PUS10: variants seen among roughly 807,000 people sequenced by gnomAD.
PUS10 encodes pseudouridine synthase 10.
A neutral mutation model predicts 75.0 loss-of-function variants in PUS10; 59 were observed. That is an observed-to-expected ratio of 0.79 (90% CI 0.64 to 0.98). PUS10 has a LOEUF of 0.98. PUS10 is among the 50% of genes least tolerant of loss of function. PUS10 has a pLI of 0.00. For synonymous variants in PUS10, 219 were observed against 211.6 expected (o/e 1.03, Z -0.30); for missense variants, 650 against 614.4 (o/e 1.06, Z -0.61).
intron 4 of PUS10, among the ~76,000 whole-genome samples, chr2:60,994,045 T>A (rs892748571): frequency 6.6e-6 from 1 of 152,026 alleles, no homozygotes; most frequent in African/African-American, 2.4e-5. Flanking sequence ...TGCCTCGGCC[T>A]CCCACAGTGC....
At chr2:60,956,797 A>T (rs565555133) in intron 11 of PUS10, among the ~76,000 whole-genome samples, 1 of 151,972 alleles carries the variant, frequency 6.6e-6, no homozygotes, top group South Asian at 2.1e-4. Flanking sequence ...AACTTGGTGA[A>T]ACCTGTCTCT....
In PUS10 at chr2:60,941,694, T is replaced by C. The variant is rs1180706577; in HGVS notation, c.*701A>G. The C allele has an allele frequency of 6.6e-6, 1 of 152,342 alleles. No homozygotes were observed. The highest frequency in any genetic ancestry group is 1.5e-5 in the Non-Finnish European group (1 of 68,010). 9.4% of individuals were successfully genotyped at this position (152,342 alleles called of 1,614,324 possible). A position where few individuals can be genotyped will look rare whatever the true frequency, so the allele number is the denominator to read the frequency against. ...TGTTTCTCCTTATTTAAAAGATTTA[T>C]GAAAGGCTCCTACCATGGCATGCCT... On this transcript the variant is annotated 3_prime_UTR_variant, in exon 18 of 18. Coordinates refer to ENST00000316752, the MANE Select transcript of PUS10 (RefSeq NM_144709.4).
At chr2:60,987,581 A>G (rs1209107695) in intron 4 of PUS10, among the ~76,000 whole-genome samples, 1 of 152,218 alleles carries the variant, frequency 6.6e-6, no homozygotes, top group African/African-American at 2.4e-5. Flanking sequence ...TGGCAATGTG[A>G]TGAGCTATTC....
At position 61,018,064 on chromosome 2, in the gene PUS10, C is replaced by G. The variant is rs1020818728; in HGVS notation, c.-72G>C. ...CTGACCCGGCAGCTCTAATCAGCAACGTTTTTTTCGGGAGCTCCTGGGCGT... is the reference window on the plus strand; with the variant it reads ...CTGACCCGGCAGCTCTAATCAGCAAGGTTTTTTTCGGGAGCTCCTGGGCGT... On this transcript the variant is annotated 5_prime_UTR_variant, in exon 1 of 18. Transcript: ENST00000316752. 1 of 1,497,388 alleles carries G rather than the reference C, an allele frequency of 6.7e-7. No individual in the cohort carries two copies. Among genetic ancestry groups the G allele is most frequent in the South Asian group, 1.3e-5 (1 of 77,132 alleles). The allele number at this position is 1,497,388 out of a possible 1,614,324, so 92.8% of individuals were successfully genotyped here.
rs1384719514 is a variant in PUS10, at chr2:61,018,059, A to T, written c.-67T>A. The T allele has an allele frequency of 6.7e-7, 1 of 1,493,056 alleles. No homozygotes were observed. The highest frequency in any genetic ancestry group is 8.9e-7 in the Non-Finnish European group (1 of 1,119,254). The allele number at this position is 1,493,056 out of a possible 1,614,324, so 92.5% of individuals were successfully genotyped here. A position where few individuals can be genotyped will look rare whatever the true frequency, so the allele number is the denominator to read the frequency against. ...TGTTTCTGACCCGGCAGCTCTAATC[A>T]GCAACGTTTTTTTCGGGAGCTCCTG... On this transcript the variant is annotated 5_prime_UTR_variant, in exon 1 of 18. Coordinates refer to ENST00000316752, the MANE Select transcript of PUS10 (RefSeq NM_144709.4).
intron 1 of PUS10, among the ~76,000 whole-genome samples, chr2:61,012,287 C>G (rs1679653986): frequency 6.6e-6 from 1 of 152,038 alleles, no homozygotes; most frequent in Non-Finnish European, 1.5e-5. Flanking sequence ...AAAGTTAATT[C>G]ATTAAACTTT....
intron 4 of PUS10, among the ~76,000 whole-genome samples, chr2:60,978,421 TAAAAAAAAAAAAA>T (rs71398605): frequency 2.0e-5 from 2 of 99,406 alleles, no homozygotes; most frequent in Admixed American, 1.1e-4. Flanking sequence ...GACTCCATCT[TAAAAAAAAAAAAA>T]AAAAAAAAAG....
Position 60,965,042 on chromosome 2 carries a change from G to T in PUS10, c.723+16C>A. The T allele has an allele frequency of 1.9e-6, 3 of 1,612,012 alleles. No individual in the cohort carries two copies. In the South Asian group the frequency reaches 3.3e-5, roughly 18 times the overall value. ...CAAAACTCACTCAAGACTAAGAAGC[G>T]GGAACCTTTCCTTACCTGTTTGTTT... On this transcript the variant is annotated intron_variant, in intron 8 of 17. Transcript: ENST00000316752.
At chr2:60,953,395 C>G (rs1230166784) in intron 14 of PUS10, among the ~76,000 whole-genome samples, 4 of 152,176 alleles carry the variant, frequency 2.6e-5, no homozygotes, top group Admixed American at 6.5e-5. Flanking sequence ...CTTTGTATCT[C>G]TATAGATTTA....
At chr2:60,995,318 T>G (rs1412834927) in intron 4 of PUS10, among the ~76,000 whole-genome samples, 1 of 152,216 alleles carries the variant, frequency 6.6e-6, no homozygotes, top group Non-Finnish European at 1.5e-5. Context: ...GAAAGGGGTT[T>G]TATCTTGCTC....
intron 16 of PUS10, among the ~76,000 whole-genome samples, chr2:60,947,680 T>G (rs993333700): frequency 7.3e-5 from 11 of 151,082 alleles, no homozygotes; most frequent in African/African-American, 2.4e-4. Context: ...ATACAAAAAA[T>G]TAGTCAGGCG....
At chr2:60,965,233 T>A in intron 7 of PUS10, 130 bp from the exon 8 acceptor site, 2 of 1,021,162 alleles carry the variant, frequency 2.0e-6, no homozygotes, top group Non-Finnish European at 1.5e-6. Flanking sequence ...AGTCCCTGTA[T>A]GAGCTATATC....
At chr2:61,001,050 C>T (rs1678818931) in intron 4 of PUS10, among the ~76,000 whole-genome samples, 1 of 152,180 alleles carries the variant, frequency 6.6e-6, no homozygotes, top group Non-Finnish European at 1.5e-5. Flanking sequence ...GATCATTTTC[C>T]TCGACATAAA....
In PUS10 at chr2:60,971,114, AG is replaced by A. The variant is rs1463528843; in HGVS notation, c.503+408del. On this transcript the variant is annotated intron_variant, in intron 5 of 17. Coordinates refer to ENST00000316752, the MANE Select transcript of PUS10 (RefSeq NM_144709.4). ...AGAATCGCTTGAACCAGCGAGGTGG[AG>A]GTTGCAGTGAGCTGAGATCACACCA... Among the ~76,000 whole-genome samples, 3 of 151,844 alleles carry A rather than the reference AG, an allele frequency of 2.0e-5. No individual in the cohort carries two copies. In the East Asian group the frequency reaches 5.8e-4, roughly 29 times the overall value.
At position 60,955,019 on chromosome 2, in the gene PUS10, A is replaced by G. The variant is rs1196422930; in HGVS notation, c.1056T>C (p.Asn352=). ...CAGGTGATGCTGTTGCAGTCTTACC[A>G]TTTCCTAATGTTCTCACATCTACAT... ...REDVDVRTLG[N]GRPFAIELVN... is the part of the protein sequence containing the mutation. The change falls in exon 12 of 18, where the codon AAT becomes AAC. Residue 352 remains asparagine, a splice_region_variant and synonymous_variant. Coordinates refer to ENST00000316752, the MANE Select transcript of PUS10 (RefSeq NM_144709.4). 1 of 1,575,804 alleles carries G rather than the reference A, an allele frequency of 6.3e-7. No homozygotes were observed. Among genetic ancestry groups the G allele is most frequent in the Admixed American group, 1.8e-5 (1 of 56,734 alleles).
chr2:60,989,015 T>A (rs1677901822), intron 4 of PUS10, among the ~76,000 whole-genome samples: 2 of 152,064 alleles, frequency 1.3e-5, no homozygotes. Flanking sequence ...TCCACTAGGA[T>A]GGGGACAGTA....
At chr2:60,946,379 T>C (rs749991251) in intron 16 of PUS10, among the ~76,000 whole-genome samples, 2 of 152,226 alleles carry the variant, frequency 1.3e-5, no homozygotes, top group East Asian at 3.8e-4. Flanking sequence ...CTTTAACACA[T>C]AGTCTTTCTT....
chr2:60,986,838 C>T (rs1573468107), intron 4 of PUS10, among the ~76,000 whole-genome samples: 1 of 152,158 alleles, frequency 6.6e-6, no homozygotes, highest in Non-Finnish European at 1.5e-5. Context: ...AGCTCTCTCT[C>T]CTACTTAGCC....
At chr2:60,971,399 T>C (rs2104414698) in intron 5 of PUS10, 124 bp downstream of exon 5, 1 of 854,868 alleles carries the variant, frequency 1.2e-6, no homozygotes, top group African/African-American at 1.7e-5. Flanking sequence ...TGGTTCTTTG[T>C]GCTAATTTCT....
Sources: allele counts gnomAD v4.1 joint callset (sites outside exome capture counted in the v4.1 genomes callset), GRCh38; gene constraint gnomAD v4.1.1; transcripts MANE v1.5; gene names NCBI Gene and HGNC (gene_info 2026-07-23, HGNC 2026-07-21).